The following CHCHD3 variants were observed in gnomAD, a reference collection of about 807,000 sequenced individuals.
CHCHD3 encodes the protein MICOS complex subunit MIC19.
Under a neutral mutation model 38.2 loss-of-function variants are expected in CHCHD3, and 20 were observed. That is an observed-to-expected ratio of 0.52 (90% CI 0.37 to 0.76). The LOEUF is 0.76. Among genes scored for constraint, CHCHD3 ranks in the 30% least tolerant of loss-of-function variants. The probability of loss-of-function intolerance (pLI) is 0.00; values close to 1 mark genes in which losing one functional copy is unlikely to be tolerated. For missense variants in CHCHD3, 245 were observed against 279.2 expected, an observed-to-expected ratio of 0.88 and a Z score of 0.87; for synonymous variants, 82 against 100.0, an observed-to-expected ratio of 0.82 and a Z score of 1.07.
At chr7:132,933,269 A>C (rs1810558351) in intron 4 of CHCHD3, among the ~76,000 whole-genome samples, 1 of 152,188 alleles carries the variant, frequency 6.6e-6, no homozygotes, top group African/African-American at 2.4e-5. Context: ...ACTCAAATTT[A>C]ACTCTGGTTA....
Position 132,878,704 on chromosome 7 carries a change from C to T in CHCHD3, c.453+6958G>A, listed in dbSNP as rs114971135. On this transcript the variant is annotated intron_variant, in intron 5 of 7. Coordinates refer to ENST00000262570, the MANE Select transcript of CHCHD3 (RefSeq NM_017812.4). ...AAAACTGAAAGCAATCCATGCCACA[C>T]TGGCATTTATGATTCACCAGATAAG... Among the ~76,000 whole-genome samples the T allele has an allele frequency of 3.0e-3, 455 of 152,330 alleles. 4 individuals are homozygous for T. Among genetic ancestry groups the T allele is most frequent in the African/African-American group, 0.01 (435 of 41,584 alleles).
intron 5 of CHCHD3, among the ~76,000 whole-genome samples, chr7:132,841,284 T>G (rs1005838282): frequency 6.6e-6 from 1 of 151,834 alleles, no homozygotes; most frequent in Non-Finnish European, 1.5e-5. Context: ...ACAATTATTA[T>G]CATGGAAAGT....
At position 133,035,103 on chromosome 7, in the gene CHCHD3, T is replaced by C; in HGVS notation, c.170-10476A>G. 6.2e-7 allele frequency: 1 copy of C among 1,613,716 alleles called. No homozygotes were observed. The highest frequency in any genetic ancestry group is 8.5e-7 in the Non-Finnish European group (1 of 1,179,712). ...AGCGAAGGGGTCCTTGGCCTTGGGC[T>C]CAGCAGCCAGCGCCTGCTCACATTC... On this transcript the variant is annotated intron_variant, in intron 2 of 7. Coordinates refer to ENST00000262570, the MANE Select transcript of CHCHD3 (RefSeq NM_017812.4). The surrounding 1 kb of genome is among the most constrained non-coding windows in gnomAD (Gnocchi z 4.7).
chr7:132,808,627 A>G (rs1304523487), intron 6 of CHCHD3, among the ~76,000 whole-genome samples: 3 of 152,132 alleles, frequency 2.0e-5, no homozygotes, highest in African/African-American at 4.8e-5. Context: ...TCAATTTATT[A>G]TTTGTTTTCT....
intron 4 of CHCHD3, among the ~76,000 whole-genome samples, chr7:132,951,907 G>T (rs912370566): frequency 1.3e-5 from 2 of 152,148 alleles, no homozygotes; most frequent in Admixed American, 6.6e-5. Context: ...CATGTCTTTT[G>T]TCTCTAAAGC....
chr7:132,980,442 T>A (rs148345794), intron 3 of CHCHD3, among the ~76,000 whole-genome samples: 26 of 152,360 alleles, frequency 1.7e-4, no homozygotes, highest in Non-Finnish European at 3.1e-4. Flanking sequence ...ATTAAGTCCC[T>A]GATTTAAGTT....
At chr7:132,885,950 G>A (rs936016929) in intron 4 of CHCHD3, among the ~76,000 whole-genome samples, 1 of 152,032 alleles carries the variant, frequency 6.6e-6, no homozygotes, top group Admixed American at 6.6e-5. Context: ...TTTTCCCGCT[G>A]TAACAGCTGT....
chr7:133,004,056 T>A (rs961084053), intron 3 of CHCHD3, among the ~76,000 whole-genome samples: 1 of 152,094 alleles, frequency 6.6e-6, no homozygotes, highest in Non-Finnish European at 1.5e-5. Flanking sequence ...CGTGGAGCGA[T>A]TCTCCTGCCT....
At chr7:132,854,205 G>A (rs1562886168) in intron 5 of CHCHD3, among the ~76,000 whole-genome samples, 1 of 152,092 alleles carries the variant, frequency 6.6e-6, no homozygotes, top group Non-Finnish European at 1.5e-5. Flanking sequence ...CAAAAATTTA[G>A]CTAAAAATTT....
intron 5 of CHCHD3, among the ~76,000 whole-genome samples, chr7:132,871,093 T>C (rs564010332): frequency 6.6e-6 from 1 of 152,370 alleles, no homozygotes; most frequent in Admixed American, 6.5e-5. Flanking sequence ...AGTGTCCATT[T>C]GGCTATTTCT....
In CHCHD3 at chr7:133,035,087, G is replaced by A; in HGVS notation, c.170-10460C>T. 6.2e-7 allele frequency: 1 copy of A among 1,613,742 alleles called. No homozygotes were observed. Among genetic ancestry groups the A allele is most frequent in the African/African-American group, 1.3e-5 (1 of 75,026 alleles). On this transcript the variant is annotated intron_variant, in intron 2 of 7. Transcript: ENST00000262570. The surrounding 1 kb of genome is among the most constrained non-coding windows in gnomAD (Gnocchi z 4.7). ...TACTCTTGGGCAGGTGAGCGAAGGGGTCCTTGGCCTTGGGCTCAGCAGCCA... is the reference window on the plus strand; with the variant it reads ...TACTCTTGGGCAGGTGAGCGAAGGGATCCTTGGCCTTGGGCTCAGCAGCCA...
chr7:132,855,183 T>C (rs561551519), intron 5 of CHCHD3, among the ~76,000 whole-genome samples: 1 of 152,330 alleles, frequency 6.6e-6, no homozygotes, highest in East Asian at 1.9e-4. Context: ...TAAAATATTA[T>C]AGTTCTTTCA....
intron 7 of CHCHD3, among the ~76,000 whole-genome samples, chr7:132,790,151 T>C (rs543272946): frequency 3.3e-5 from 5 of 152,336 alleles, no homozygotes; most frequent in African/African-American, 1.2e-4. Flanking sequence ...TCCTCCTGCT[T>C]TGGAGGAAAT....
chr7:132,969,994 A>G (rs974479056), intron 4 of CHCHD3, among the ~76,000 whole-genome samples: 3 of 152,232 alleles, frequency 2.0e-5, no homozygotes, highest in African/African-American at 7.2e-5. Flanking sequence ...GTTAAAACAG[A>G]GACCACAAGA....
At chr7:132,942,828 G>C (rs1810801846) in intron 4 of CHCHD3, among the ~76,000 whole-genome samples, 1 of 152,112 alleles carries the variant, frequency 6.6e-6, no homozygotes, top group Non-Finnish European at 1.5e-5. Context: ...TAAGTTCAAA[G>C]GTGAATAAAC....
chr7:132,871,612 C>A (rs1808768663), intron 5 of CHCHD3, among the ~76,000 whole-genome samples: 1 of 152,176 alleles, frequency 6.6e-6, no homozygotes, highest in Non-Finnish European at 1.5e-5. Context: ...ACTTCTATTT[C>A]CGCTGCCCAC....
At position 132,940,170 on chromosome 7, in the gene CHCHD3, C is replaced by A. The variant is rs1410857796; in HGVS notation, c.369+34999G>T. ...CACAGCTACTCAGATGAAATTTTAG[C>A]ACTTAAGGTTGAAATACTACATGAG... On this transcript the variant is annotated intron_variant, in intron 4 of 7. Transcript: ENST00000262570. Among the ~76,000 whole-genome samples the A allele has an allele frequency of 2.0e-5, 3 of 152,160 alleles. No individual in the cohort carries two copies. The East Asian group carries it at 5.8e-4, about 29-fold the overall frequency.
chr7:133,023,306 C>G (rs7810851), intron 3 of CHCHD3, among the ~76,000 whole-genome samples: 9,273 of 152,118 alleles, frequency 0.061, 695 homozygotes, highest in East Asian at 0.2. Context: ...ATATTCTGTT[C>G]TGTATATTTT....
At chr7:133,059,574 T>C (rs1402865125) in intron 2 of CHCHD3, among the ~76,000 whole-genome samples, 1 of 152,152 alleles carries the variant, frequency 6.6e-6, no homozygotes, top group African/African-American at 2.4e-5. Context: ...AACCTCCACA[T>C]CAATGTTTCC....
Sources: gnomAD v4.1 joint callset for allele counts (sites outside exome capture counted in the v4.1 genomes callset) on GRCh38, gnomAD v4.1.1 for gene constraint, Gnocchi (gnomAD v3.1) non-coding constraint, MANE v1.5 for transcripts, NCBI Gene and HGNC (gene_info 2026-07-23, HGNC 2026-07-21) for gene names.